The following DLGAP2 variants were observed in gnomAD, a reference collection of about 807,000 sequenced individuals.
DLGAP2 encodes the protein disks large-associated protein 2.
A neutral mutation model predicts 100.3 loss-of-function variants in DLGAP2; 26 were observed. The observed-to-expected ratio is 0.26, with a 90% CI of 0.19 to 0.36. The LOEUF (loss-of-function observed/expected upper bound fraction) is 0.36, where lower values mean the gene tolerates loss of function less well. Ranked by LOEUF, DLGAP2 falls within the 10% of genes least tolerant of loss-of-function variation. The probability of loss-of-function intolerance (pLI) is 1.00; values close to 1 mark genes in which losing one functional copy is unlikely to be tolerated. For synonymous variants in DLGAP2, 886 were observed against 630.1 expected (o/e 1.41, Z -6.08); for missense variants, 1,858 against 1,453.2 (o/e 1.28, Z -4.53).
At chr8:783,105 G>A (rs565461370) in intron 1 of DLGAP2, among the ~76,000 whole-genome samples, 1 of 152,312 alleles carries the variant, frequency 6.6e-6, no homozygotes, top group African/African-American at 2.4e-5. Flanking sequence ...CACAATGACA[G>A]ATAATGTGAC....
At chr8:1,427,464 A>G (rs1797267726) in intron 3 of DLGAP2, among the ~76,000 whole-genome samples, 1 of 152,236 alleles carries the variant, frequency 6.6e-6, no homozygotes. Flanking sequence ...AAATAATATA[A>G]ACAAACATCC....
chr8:780,719 C>G (rs1563428421), intron 1 of DLGAP2, among the ~76,000 whole-genome samples: 1 of 152,246 alleles, frequency 6.6e-6, no homozygotes, highest in African/African-American at 2.4e-5. Flanking sequence ...AATTTGGAAA[C>G]TCACAGCACA....
rs144316753 is a variant in DLGAP2, at chr8:1,024,915, G to A, written c.73+116949G>A. ...GGGGAAGCTGGGATAGAACCTTGGCGTGGCAGAGTCTGGAATGACGGACAG... is the reference window on the plus strand; with the variant it reads ...GGGGAAGCTGGGATAGAACCTTGGCATGGCAGAGTCTGGAATGACGGACAG... On this transcript the variant is annotated intron_variant, in intron 2 of 14. Transcript: ENST00000637795. Among the ~76,000 whole-genome samples the A allele has an allele frequency of 5.1e-4, 78 of 152,320 alleles. 2 individuals carry two copies. Among genetic ancestry groups the A allele is most frequent in the Middle Eastern group, 3.4e-3 (1 of 294 alleles).
At chr8:1,442,450 C>T (rs1213538858) in intron 3 of DLGAP2, among the ~76,000 whole-genome samples, 22 of 145,420 alleles carry the variant, frequency 1.5e-4, no homozygotes, top group Non-Finnish European at 2.8e-4. Flanking sequence ...GAGACGGATC[C>T]GGGCATAGAC....
At chr8:1,225,461 G>C (rs575094367) in intron 2 of DLGAP2, among the ~76,000 whole-genome samples, 1 of 152,194 alleles carries the variant, frequency 6.6e-6, no homozygotes, top group South Asian at 2.1e-4. Flanking sequence ...ACTAGGGTGG[G>C]GTTTCCTTTT....
chr8:923,200 G>A lies in DLGAP2; in HGVS notation c.73+15234G>A, dbSNP rs117131490. ...ACGGGTGGTCTGTGTCAGTCTTGGC[G>A]GACAGGCTTTCTCTCCTGTGTTAGG... On this transcript the variant is annotated intron_variant, in intron 2 of 14. Transcript: ENST00000637795. 7.2e-5 allele frequency among the ~76,000 whole-genome samples: 11 copies of A among 152,026 alleles called. No homozygotes were observed. The East Asian group carries it at 1.5e-3, about 21-fold the overall frequency.
chr8:1,337,424 T>G (rs1801309887), intron 3 of DLGAP2, among the ~76,000 whole-genome samples: 2 of 102,406 alleles, frequency 2.0e-5, no homozygotes, highest in Non-Finnish European at 2.3e-5. Context: ...GTGAGGATGA[T>G]GGTGATGGTG....
intron 2 of DLGAP2, among the ~76,000 whole-genome samples, chr8:1,025,418 A>G (rs941415202): frequency 6.6e-6 from 1 of 152,202 alleles, no homozygotes; most frequent in Non-Finnish European, 1.5e-5. Context: ...ATAAAATAGG[A>G]TTCTTTCCAG....
intron 4 of DLGAP2, among the ~76,000 whole-genome samples, chr8:1,524,181 G>T (rs997945731): frequency 2.0e-5 from 3 of 152,126 alleles, no homozygotes; most frequent in African/African-American, 4.8e-5. Flanking sequence ...ACATCTTCAG[G>T]GTGTGCGTCG....
At chr8:1,255,284 T>C (rs866175651) in intron 2 of DLGAP2, among the ~76,000 whole-genome samples, 15 of 78,960 alleles carry the variant, frequency 1.9e-4, no homozygotes, top group Admixed American at 3.6e-4. Context: ...CTCTCCTGCC[T>C]GGGTGCTGTG....
intron 2 of DLGAP2, among the ~76,000 whole-genome samples, chr8:1,055,167 A>C (rs1398592859): frequency 6.6e-6 from 1 of 152,216 alleles, no homozygotes; most frequent in Non-Finnish European, 1.5e-5. Context: ...TTTTGAGACC[A>C]CTTTTTCTCA....
rs374298459 is a variant in DLGAP2 at position 1,483,533 on chromosome 8, A to G, written c.107-17833A>G. Among the ~76,000 whole-genome samples the G allele has an allele frequency of 2.6e-3, 306 of 117,236 alleles. 3 individuals carry two copies. The highest frequency in any genetic ancestry group is 8.8e-3 in the East Asian group (37 of 4,212). 76.9% of individuals were successfully genotyped at this position (117,236 alleles called of 152,430 possible). A position where few individuals can be genotyped will look rare whatever the true frequency, so the allele number is the denominator to read the frequency against. On this transcript the variant is annotated intron_variant, in intron 3 of 14. Coordinates refer to ENST00000637795, the MANE Select transcript of DLGAP2 (RefSeq NM_001346810.2). ...CAAGGGAAGGCTGAACTGCTGTGCA[A>G]GAGGCTCAGGAAGCAGGACCTGAGG...
chr8:936,178 G>T (rs1799066211), intron 2 of DLGAP2, among the ~76,000 whole-genome samples: 1 of 152,160 alleles, frequency 6.6e-6, no homozygotes, highest in African/African-American at 2.4e-5. Flanking sequence ...TCTGAAGAGA[G>T]TGAGCCTCTG....
chr8:845,429 T>A (rs182495192), intron 1 of DLGAP2, among the ~76,000 whole-genome samples: 2 of 152,258 alleles, frequency 1.3e-5, no homozygotes, highest in South Asian at 4.1e-4. Context: ...GTTGAACATC[T>A]TTCCATGTGC....
chr8:988,066 G>A (rs1800538641), intron 2 of DLGAP2, among the ~76,000 whole-genome samples: 1 of 152,116 alleles, frequency 6.6e-6, no homozygotes, highest in Non-Finnish European at 1.5e-5. Context: ...GTCTAAAGGG[G>A]CCTAGCATGG....
chr8:964,683 G>A (rs1331023282), intron 2 of DLGAP2, among the ~76,000 whole-genome samples: 5 of 152,208 alleles, frequency 3.3e-5, no homozygotes, highest in Admixed American at 3.3e-4. Flanking sequence ...GGGTCCCAGT[G>A]TGGCTTCTGC....
At chr8:1,341,641 C>G (rs1013061113) in intron 3 of DLGAP2, among the ~76,000 whole-genome samples, 1 of 152,156 alleles carries the variant, frequency 6.6e-6, no homozygotes, top group African/African-American at 2.4e-5. Flanking sequence ...TAAATATGAA[C>G]TTGTGGGCTG....
intron 2 of DLGAP2, among the ~76,000 whole-genome samples, chr8:1,202,314 A>G (rs77888756): frequency 8.4e-5 from 9 of 107,332 alleles, no homozygotes; most frequent in African/African-American, 2.1e-4. Flanking sequence ...GTGTGTGTGT[A>G]TGTACTGGGG....
At chr8:1,630,477 T>G (rs186151319) in intron 7 of DLGAP2, among the ~76,000 whole-genome samples, 1 of 152,054 alleles carries the variant, frequency 6.6e-6, no homozygotes, top group African/African-American at 2.4e-5. Flanking sequence ...CCGAGGTGGG[T>G]GGATCACGAG....
Sources: allele counts gnomAD v4.1 joint callset (sites outside exome capture counted in the v4.1 genomes callset), GRCh38; gene constraint gnomAD v4.1.1; transcripts MANE v1.5; gene names NCBI Gene and HGNC (gene_info 2026-07-23, HGNC 2026-07-21).